The following DNAJA3 variants were observed in gnomAD, a reference collection of about 807,000 sequenced individuals.
The protein encoded by DNAJA3 is DnaJ heat shock protein family (Hsp40) member A3, also known as dnaJ homolog subfamily A member 3, mitochondrial.
Under a neutral mutation model 54.9 loss-of-function variants are expected in DNAJA3, and 29 were observed. The ratio of observed to expected loss-of-function variants is 0.53; its 90% confidence interval spans 0.39 to 0.72. The LOEUF (loss-of-function observed/expected upper bound fraction) is 0.72, where lower values mean the gene tolerates loss of function less well. DNAJA3 is among the 30% of genes least tolerant of loss of function. The pLI, the probability that DNAJA3 is intolerant of heterozygous loss-of-function variation, is 0.00. For synonymous variants in DNAJA3, 302 were observed against 251.4 expected (o/e 1.20, Z -1.90); for missense variants, 708 against 639.4 (o/e 1.11, Z -1.16).
intron 1 of DNAJA3, among the ~76,000 whole-genome samples, chr16:4,429,479 C>T (rs1214196231): frequency 6.6e-6 from 1 of 152,046 alleles, no homozygotes; most frequent in Non-Finnish European, 1.5e-5. Context: ...CCTCAGCCTC[C>T]TAAAGTGCTG....
intron 2 of DNAJA3, among the ~76,000 whole-genome samples, chr16:4,435,484 C>T (rs2056762722): frequency 6.6e-6 from 1 of 152,220 alleles, no homozygotes; most frequent in African/African-American, 2.4e-5. Context: ...CACTCCCCTT[C>T]CATTGTCCTC....
chr16:4,450,265 A>T (rs1395220704), intron 9 of DNAJA3, 135 bp from the exon 10 acceptor site: 6 of 629,778 alleles, frequency 9.5e-6, no homozygotes. Flanking sequence ...TCACCGCTGC[A>T]CTGGCTCAGG....
intron 3 of DNAJA3, among the ~76,000 whole-genome samples, chr16:4,439,922 T>A (rs2056818651): frequency 6.6e-6 from 1 of 152,144 alleles, no homozygotes; most frequent in South Asian, 2.1e-4. Flanking sequence ...TCTTTTCTGT[T>A]TGGCCTTAAG....
Position 4,446,917 on chromosome 16 carries a change from G to A in DNAJA3, c.1028G>A (p.Gly343Asp). The A allele has an allele frequency of 6.2e-7, 1 of 1,614,162 alleles. No individual in the cohort carries two copies. The highest frequency in any genetic ancestry group is 1.1e-5 in the South Asian group (1 of 91,078). The change falls in exon 8 of 12, where the codon GGC becomes GAC. Residue 343 changes from glycine to aspartate, a missense_variant. Physicochemically the swap from Gly to Asp is moderately conservative, Grantham distance 94. Coordinates refer to ENST00000262375, the MANE Select transcript of DNAJA3 (RefSeq NM_005147.6). ...AAAAGCCCTGTGTTCCGGAGGGACG[G>A]CGCAGACATCCACTCCGACCTCTTT... is the stretch of plus-strand genomic sequence containing the variant. The part of the protein sequence containing the change: ...VQKSPVFRRD[G>D]ADIHSDLFIS...
In DNAJA3 at chr16:4,446,980, G is replaced by A. The variant is rs751822507; in HGVS notation, c.1091G>A (p.Arg364Lys). 1.2e-6 allele frequency: 2 copies of A among 1,614,188 alleles called. No individual in the cohort carries two copies. Among genetic ancestry groups the A allele is most frequent in the South Asian group, 2.2e-5 (2 of 91,080 alleles). ...IAQALLGGTA[R>K]AQGLYETINV... ...CAGGCTCTTCTTGGGGGTACAGCCA[G>A]AGCCCAGGGCCTGTACGAGACGATC... The change falls in exon 8 of 12, where the codon AGA becomes AAA. Residue 364 changes from arginine (R) to lysine (K), a missense_variant. Transcript: ENST00000262375.
Position 4,455,795 on chromosome 16 carries a change from C to T in DNAJA3, c.*263C>T. 1.7e-6 allele frequency: 1 copy of T among 593,712 alleles called. No individual in the cohort carries two copies. Among genetic ancestry groups the T allele is most frequent in the Non-Finnish European group, 3.0e-6 (1 of 332,430 alleles). 36.8% of individuals were successfully genotyped at this position (593,712 alleles called of 1,614,324 possible). A position where few individuals can be genotyped will look rare whatever the true frequency, so the allele number is the denominator to read the frequency against. On this transcript the variant is annotated 3_prime_UTR_variant, in exon 12 of 12. Coordinates refer to ENST00000262375, the MANE Select transcript of DNAJA3 (RefSeq NM_005147.6). ...CCTGTCCATTGGTAGGTGACGGCCC[C>T]TGGCTCAGGCAGAGGGAGATGGTTA...
At chr16:4,436,116 G>A (rs2056769372) in intron 2 of DNAJA3, among the ~76,000 whole-genome samples, 1 of 152,134 alleles carries the variant, frequency 6.6e-6, no homozygotes, top group Admixed American at 6.5e-5. Flanking sequence ...CTATTAGTAT[G>A]TCTTTGGAGA....
chr16:4,431,163 G>A (rs1358745880), intron 1 of DNAJA3: 4 of 152,236 alleles, frequency 2.6e-5, no homozygotes, highest in Non-Finnish European at 4.4e-5. Context: ...TGCCCGTAAT[G>A]TTGAAGCCAC....
intron 1 of DNAJA3, chr16:4,431,612 C>G (rs1432328767): frequency 6.6e-6 from 1 of 151,096 alleles, no homozygotes; most frequent in Non-Finnish European, 1.5e-5. Context: ...GAGTCTTGCT[C>G]TGTCGCCCAG....
At chr16:4,455,001 C>T in intron 11 of DNAJA3, 74 bp downstream of exon 11, 8 of 1,065,930 alleles carry the variant, frequency 7.5e-6, no homozygotes, top group Non-Finnish European at 1.1e-5. Flanking sequence ...CCCACTTTAA[C>T]CAATATTGTG....
At chr16:4,429,013 C>T (rs554797931) in intron 1 of DNAJA3, among the ~76,000 whole-genome samples, 73 of 150,700 alleles carry the variant, frequency 4.8e-4, no homozygotes, top group African/African-American at 1.7e-3. Context: ...CTCAGCCTCC[C>T]GAGTAGCTGG....
chr16:4,447,840 C>T (rs1275704649), intron 8 of DNAJA3: 2 of 148,146 alleles, frequency 1.4e-5, no homozygotes, highest in African/African-American at 4.9e-5. Flanking sequence ...GATGGAGTCT[C>T]GCTTTGTCGT....
intron 3 of DNAJA3, among the ~76,000 whole-genome samples, chr16:4,438,233 C>T (rs1046780896): frequency 5.3e-5 from 8 of 151,796 alleles, no homozygotes; most frequent in Non-Finnish European, 1.0e-4. Flanking sequence ...AGGAGAATGG[C>T]GTGAACCCGG....
rs1317891783 is a variant in DNAJA3 at position 4,425,918 on chromosome 16, G to A, written c.37G>A (p.Val13Ile). The A allele has an allele frequency of 1.3e-6, 2 of 1,548,632 alleles. No homozygotes were observed. The highest frequency in any genetic ancestry group is 3.9e-5 in the Admixed American group (2 of 51,126). ...GTGCTCCACACGCTGGTTGCTGGTG[G>A]TTGTGGGGACCCCGCGGCTGCCGGC... ...ARCSTRWLLVVVGTPRLPAIS... is the reference protein window; with the variant it reads ...ARCSTRWLLVIVGTPRLPAIS... Residue 13 changes from valine (V) to isoleucine (I), a missense_variant, in exon 1 of 12, where the codon GTT (valine) becomes ATT (isoleucine). Coordinates refer to ENST00000262375, the MANE Select transcript of DNAJA3 (RefSeq NM_005147.6).
intron 10 of DNAJA3, among the ~76,000 whole-genome samples, 169 bp downstream of exon 10, chr16:4,450,666 G>A (rs573642671): frequency 3.4e-4 from 52 of 152,180 alleles, no homozygotes; most frequent in Non-Finnish European, 4.3e-4. Context: ...GCAGGGAGCC[G>A]CAGCCCCCAG....
intron 6 of DNAJA3, among the ~76,000 whole-genome samples, chr16:4,443,873 A>G (rs2056869203): frequency 6.6e-6 from 1 of 152,080 alleles, no homozygotes; most frequent in African/African-American, 2.4e-5. Context: ...TTTTTAGTAG[A>G]GACGGGGTTT....
At chr16:4,439,227 G>C (rs1189216271) in intron 3 of DNAJA3, among the ~76,000 whole-genome samples, 3 of 151,978 alleles carry the variant, frequency 2.0e-5, no homozygotes, top group Non-Finnish European at 1.5e-5. Flanking sequence ...CAGGTGTGGT[G>C]GTGGGTGCCT....
chr16:4,442,875 G>T, intron 5 of DNAJA3, 142 bp from the exon 6 acceptor site: 2 of 848,718 alleles, frequency 2.4e-6, no homozygotes, highest in Non-Finnish European at 1.8e-6. Context: ...CCTGCACCTG[G>T]GTTCCTAGGC....
intron 2 of DNAJA3, among the ~76,000 whole-genome samples, chr16:4,436,958 A>C (rs1055360724): frequency 6.6e-6 from 1 of 151,988 alleles, no homozygotes; most frequent in Non-Finnish European, 1.5e-5. Context: ...GATACATTAA[A>C]ACAGATCATT....
Sources: gnomAD v4.1 joint callset for allele counts (sites outside exome capture counted in the v4.1 genomes callset) on GRCh38, gnomAD v4.1.1 for gene constraint, MANE v1.5 for transcripts, NCBI Gene and HGNC (gene_info 2026-07-23, HGNC 2026-07-21) for gene names.